TAFA5: variants seen among roughly 807,000 people sequenced by gnomAD.
TAFA5 encodes the protein TAFA chemokine like family member 5, also known as chemokine-like protein TAFA-5.
Under a neutral mutation model 15.3 loss-of-function variants are expected in TAFA5, and 6 were observed. The observed-to-expected ratio is 0.39, with a 90% CI of 0.21 to 0.77. TAFA5 has a LOEUF of 0.77. TAFA5 is among the 30% of genes least tolerant of loss of function. The pLI is 0.41. For missense variants in TAFA5, 161 were observed against 193.1 expected, an observed-to-expected ratio of 0.83 and a Z score of 0.98; for synonymous variants, 103 against 80.7, an observed-to-expected ratio of 1.28 and a Z score of -1.48.
At chr22:48,690,447 C>T (rs1310310822) in intron 2 of TAFA5, among the ~76,000 whole-genome samples, 1 of 152,106 alleles carries the variant, frequency 6.6e-6, no homozygotes, top group Non-Finnish European at 1.5e-5. Context: ...CAGCCTCCAC[C>T]CTACTGGCCT....
chr22:48,493,985 C>T (rs1423339660), intron 1 of TAFA5, among the ~76,000 whole-genome samples: 1 of 152,238 alleles, frequency 6.6e-6, no homozygotes, highest in Non-Finnish European at 1.5e-5. Flanking sequence ...CCACTGTCCA[C>T]ACAGGTGTCC....
intron 3 of TAFA5, among the ~76,000 whole-genome samples, chr22:48,724,642 A>G (rs941089511): frequency 5.3e-5 from 8 of 152,180 alleles, no homozygotes; most frequent in African/African-American, 1.9e-4. Flanking sequence ...CACTGGGGAA[A>G]GCCCCCTGGG....
rs2147131872 is a variant in TAFA5 at position 48,560,402 on chromosome 22, A to G, written c.112+70698A>G. 6.6e-6 allele frequency among the ~76,000 whole-genome samples: 1 copy of G among 152,108 alleles called. No homozygotes were observed. The highest frequency in any genetic ancestry group is 2.1e-4 in the South Asian group (1 of 4,806). On this transcript the variant is annotated intron_variant, in intron 1 of 3. Transcript: ENST00000402357. The surrounding 1 kb of genome is among the most constrained non-coding windows in gnomAD (Gnocchi z 4.2). ...CCAATCCCTGGAGACCACACGTGGGATGCCAGGAGCACCAAGGGTGCAGGT... is the reference window on the plus strand; with the variant it reads ...CCAATCCCTGGAGACCACACGTGGGGTGCCAGGAGCACCAAGGGTGCAGGT...
chr22:48,712,407 AAATT>A (rs1233408023), intron 3 of TAFA5, among the ~76,000 whole-genome samples: 1 of 152,216 alleles, frequency 6.6e-6, no homozygotes, highest in East Asian at 1.9e-4. Flanking sequence ...GTGGGTTGTG[AAATT>A]AATTTAATAG....
At chr22:48,745,502 C>G (rs1930303882) in intron 3 of TAFA5, among the ~76,000 whole-genome samples, 1 of 151,616 alleles carries the variant, frequency 6.6e-6, no homozygotes, top group Non-Finnish European at 1.5e-5. Flanking sequence ...CGGGGTTCAC[C>G]CTGAGCATGG....
intron 1 of TAFA5, among the ~76,000 whole-genome samples, chr22:48,610,544 C>T (rs1377455833): frequency 6.7e-6 from 1 of 148,706 alleles, no homozygotes; most frequent in Non-Finnish European, 1.5e-5. Context: ...AGCAGAGGGG[C>T]AGGCTCGCAG....
intron 1 of TAFA5, among the ~76,000 whole-genome samples, chr22:48,579,186 C>CGA (rs1374323872): frequency 6.6e-6 from 1 of 152,082 alleles, no homozygotes; most frequent in Non-Finnish European, 1.5e-5. Flanking sequence ...GGCTGTGAAC[C>CGA]GAGAGAGAGG....
intron 2 of TAFA5, among the ~76,000 whole-genome samples, chr22:48,679,850 G>A (rs372914936): frequency 2.0e-5 from 3 of 152,060 alleles, no homozygotes; most frequent in Non-Finnish European, 2.9e-5. Flanking sequence ...CGTGTGGACC[G>A]GCCCTGCCCA....
At chr22:48,591,850 C>T (rs990462649) in intron 1 of TAFA5, among the ~76,000 whole-genome samples, 2 of 152,200 alleles carry the variant, frequency 1.3e-5, no homozygotes, top group Non-Finnish European at 2.9e-5. Flanking sequence ...CCGACCTCCC[C>T]CACGGAGTCT....
chr22:48,629,342 C>T (rs1312765701), intron 1 of TAFA5, among the ~76,000 whole-genome samples: 4 of 152,208 alleles, frequency 2.6e-5, no homozygotes, highest in Non-Finnish European at 2.9e-5. Context: ...GGCCCCTCCT[C>T]GTCCTGGCCT....
chr22:48,709,847 G>A (rs978274471), intron 3 of TAFA5, among the ~76,000 whole-genome samples: 6 of 152,270 alleles, frequency 3.9e-5, no homozygotes, highest in African/African-American at 1.2e-4. Context: ...ACAGGGCCAG[G>A]ACTGGCCCAG....
At chr22:48,749,039 C>T (rs1930406847) in intron 3 of TAFA5, among the ~76,000 whole-genome samples, 1 of 152,138 alleles carries the variant, frequency 6.6e-6, no homozygotes, top group African/African-American at 2.4e-5. Flanking sequence ...GCCTCTGCCT[C>T]CTGTTGAAGA....
At chr22:48,624,874 C>T (rs567129623) in intron 1 of TAFA5, among the ~76,000 whole-genome samples, 5 of 152,074 alleles carry the variant, frequency 3.3e-5, no homozygotes, top group African/African-American at 9.6e-5. Flanking sequence ...CAGAGGTGGG[C>T]GGATCACCTG....
chr22:48,548,235 T>G (rs1019535020), intron 1 of TAFA5, among the ~76,000 whole-genome samples: 6 of 152,194 alleles, frequency 3.9e-5, no homozygotes, highest in African/African-American at 1.4e-4. Flanking sequence ...GCTCTTTCTC[T>G]TAAGTGAGTG....
At chr22:48,582,828 C>A (rs960068750) in intron 1 of TAFA5, among the ~76,000 whole-genome samples, 12 of 132,492 alleles carry the variant, frequency 9.1e-5, no homozygotes, top group South Asian at 2.5e-4. Context: ...ACACCACACA[C>A]AATAAACCAC....
intron 1 of TAFA5, among the ~76,000 whole-genome samples, chr22:48,627,569 A>G (rs1157141353): frequency 6.6e-6 from 1 of 152,270 alleles, no homozygotes; most frequent in Non-Finnish European, 1.5e-5. Context: ...AGGCAGCTGC[A>G]GAGAGGCTGA....
chr22:48,629,858 G>A (rs1008925269), intron 1 of TAFA5, among the ~76,000 whole-genome samples: 13 of 151,642 alleles, frequency 8.6e-5, no homozygotes, highest in African/African-American at 3.2e-4. Flanking sequence ...GAGGGCAGAT[G>A]CCACCCGGCA....
At chr22:48,521,032 C>T (rs900903372) in intron 1 of TAFA5, among the ~76,000 whole-genome samples, 3 of 152,150 alleles carry the variant, frequency 2.0e-5, no homozygotes, top group African/African-American at 7.2e-5. Context: ...GGGATGTGTG[C>T]GTGGGAGGCT....
In TAFA5 at chr22:48,563,125, G is replaced by A. The variant is rs559244608; in HGVS notation, c.112+73421G>A. Among the ~76,000 whole-genome samples, 6 of 152,280 alleles carry A rather than the reference G, an allele frequency of 3.9e-5. No individual in the cohort carries two copies. The South Asian group carries it at 1.0e-3, about 26-fold the overall frequency. On this transcript the variant is annotated intron_variant, in intron 1 of 3. Coordinates refer to ENST00000402357, the MANE Select transcript of TAFA5 (RefSeq NM_001082967.3). Reference sequence around the variant, plus strand: ...TGACATTTAGCAAACAGTGCCGGCCGCCCCTCCTCAGGTACTTGGCCAGGT... The same window carrying A: ...TGACATTTAGCAAACAGTGCCGGCCACCCCTCCTCAGGTACTTGGCCAGGT...
Sources: gnomAD v4.1 joint callset for allele counts (sites outside exome capture counted in the v4.1 genomes callset) on GRCh38, gnomAD v4.1.1 for gene constraint, Gnocchi (gnomAD v3.1) non-coding constraint, MANE v1.5 for transcripts, NCBI Gene and HGNC (gene_info 2026-07-23, HGNC 2026-07-21) for gene names.